The following CDC42BPB variants were observed in gnomAD, a reference collection of about 807,000 sequenced individuals.
CDC42BPB encodes CDC42 binding protein kinase beta, also known as serine/threonine-protein kinase MRCK beta.
Under a neutral mutation model 214.9 loss-of-function variants are expected in CDC42BPB, and 37 were observed. The ratio of observed to expected loss-of-function variants is 0.17; its 90% CI spans 0.13 to 0.23. The LOEUF (loss-of-function observed/expected upper bound fraction) is 0.23, where lower values mean the gene tolerates loss of function less well. CDC42BPB is among the 10% of genes least tolerant of loss of function. The pLI, the probability that CDC42BPB is intolerant of heterozygous loss-of-function variation, is 1.00. For synonymous variants in CDC42BPB, 931 were observed against 884.0 expected (o/e 1.05, Z -0.94); for missense variants, 1,694 against 2,227.0 (o/e 0.76, Z 4.82).
At chr14:103,055,401 C>T (rs576988079) in intron 1 of CDC42BPB, among the ~76,000 whole-genome samples, 52 of 152,292 alleles carry the variant, frequency 3.4e-4, no homozygotes, top group African/African-American at 1.2e-3. Flanking sequence ...CCAGCCTAGG[C>T]AACACAGTGA....
chr14:102,987,514 G>C (rs970065875), intron 5 of CDC42BPB, among the ~76,000 whole-genome samples: 1 of 152,164 alleles, frequency 6.6e-6, no homozygotes, highest in Admixed American at 6.5e-5. Context: ...CCAAGAGAAT[G>C]GGTGAGTAAG....
At chr14:103,014,060 C>T (rs748611688) in intron 1 of CDC42BPB, among the ~76,000 whole-genome samples, 1 of 151,298 alleles carries the variant, frequency 6.6e-6, no homozygotes, top group Non-Finnish European at 1.5e-5. Context: ...CAGTTACTCG[C>T]GAGGCTGAGG....
At chr14:102,946,813 C>G in intron 27 of CDC42BPB, 129 bp from the exon 28 acceptor site, 2 of 1,459,384 alleles carry the variant, frequency 1.4e-6, no homozygotes, top group Non-Finnish European at 1.8e-6. Context: ...AGGCAGGGAC[C>G]CCTGACTCCA....
At position 102,961,530 on chromosome 14, in the gene CDC42BPB, AC is replaced by A. The variant is rs150777406; in HGVS notation, c.2821+1530del. Among the ~76,000 whole-genome samples, 44 of 123,706 alleles carry A rather than the reference AC, an allele frequency of 3.6e-4. 1 individual carries two copies. The highest frequency in any genetic ancestry group is 1.9e-3 in the South Asian group (7 of 3,742). 81.2% of individuals were successfully genotyped at this position (123,706 alleles called of 152,430 possible). ...TTGTATTTTTAGTAGAGATGGCAAA[AC>A]CCCCCCCACTTTTTTTTAAGACAGC... On this transcript the variant is annotated intron_variant, in intron 20 of 36. Coordinates refer to ENST00000361246, the MANE Select transcript of CDC42BPB (RefSeq NM_006035.4).
chr14:103,044,167 A>G (rs552426141), intron 1 of CDC42BPB, among the ~76,000 whole-genome samples: 10 of 152,202 alleles, frequency 6.6e-5, no homozygotes, highest in Admixed American at 2.0e-4. Context: ...CTTTTCAACA[A>G]TTTGGTTTCA....
At chr14:103,012,068 CA>C (rs1230234868) in intron 2 of CDC42BPB, 28 bp downstream of exon 2, 1 of 1,504,332 alleles carries the variant, frequency 6.6e-7, no homozygotes. Context: ...GCAATTTAGG[CA>C]AAGTTAACAA....
Position 102,966,182 on chromosome 14 carries a change from T to A in CDC42BPB, c.2577+100A>T, listed in dbSNP as rs1214132579. On this transcript the variant is annotated intron_variant, in intron 18 of 36. Transcript: ENST00000361246. ...ACTGGTTACACAGAAGTCTCTTGCA[T>A]CACTGTAATTCCCTAAATAGTACTT... 4 of 846,970 alleles carry A rather than the reference T, an allele frequency of 4.7e-6. No individual in the cohort carries two copies. In the African/African-American group the frequency reaches 5.1e-5, roughly 11 times the overall value. 52.5% of individuals were successfully genotyped at this position (846,970 alleles called of 1,614,324 possible).
chr14:103,038,026 C>T (rs758159223), intron 1 of CDC42BPB, among the ~76,000 whole-genome samples: 6 of 133,952 alleles, frequency 4.5e-5, no homozygotes, highest in Non-Finnish European at 9.3e-5. Flanking sequence ...AAGACTCCGT[C>T]TCAAAAAAAA....
At chr14:102,954,573 G>A (rs1444946906) in intron 22 of CDC42BPB, 29 bp downstream of exon 22, 13 of 1,580,198 alleles carry the variant, frequency 8.2e-6, no homozygotes, top group African/African-American at 1.3e-5. Context: ...ACCCCAGGTG[G>A]GAGCATCACC....
chr14:102,951,295 T>G (rs191184534), intron 24 of CDC42BPB, among the ~76,000 whole-genome samples: 203 of 152,304 alleles, frequency 1.3e-3, no homozygotes, highest in African/African-American at 4.6e-3. Context: ...TGCTATAATG[T>G]AGAATGAAGG....
At chr14:102,960,569 C>A (rs1033010712) in intron 20 of CDC42BPB, among the ~76,000 whole-genome samples, 28 of 152,096 alleles carry the variant, frequency 1.8e-4, no homozygotes, top group African/African-American at 6.3e-4. Context: ...CTGCACGTGC[C>A]ACTGCATTCC....
intron 33 of CDC42BPB, 50 bp downstream of exon 33, chr14:102,939,780 C>A: frequency 1.9e-6 from 3 of 1,613,996 alleles, no homozygotes; most frequent in Non-Finnish European, 2.5e-6. Flanking sequence ...ATCCTCTTGG[C>A]CCCCTCCCTA....
Position 102,946,570 on chromosome 14 carries a change from G to A in CDC42BPB, c.3646C>T (p.Leu1216Phe), listed in dbSNP as rs771803261. ...VGILEGLQSI[L>F]HKNRLRNQVV... The stretch of plus-strand genomic sequence containing the variant: ...TGATTCCTCAGCCGGTTTTTATGAA[G>A]GATGGACTGGAGTCCTTCTAGAATC... Residue 1216 changes from leucine (L) to phenylalanine (F), a missense_variant, in exon 28 of 37, where the codon CTT becomes TTT. This residue lies in a region of CDC42BPB where 567 missense variants were observed against 790.3 expected (regional missense o/e 0.72). Transcript: ENST00000361246. The A allele has an allele frequency of 2.5e-6, 4 of 1,612,776 alleles. No homozygotes were observed. The highest frequency in any genetic ancestry group is 4.5e-5 in the East Asian group (2 of 44,882).
At position 102,994,657 on chromosome 14, in the gene CDC42BPB, C is replaced by T. The variant is rs1171046231; in HGVS notation, c.596+4908G>A. Among the ~76,000 whole-genome samples, 2 of 152,224 alleles carry T rather than the reference C, an allele frequency of 1.3e-5. 1 individual carries two copies. The highest frequency in any genetic ancestry group is 3.8e-4 in the East Asian group (2 of 5,198). The stretch of plus-strand genomic sequence containing the variant: ...CTAGGCTCCCCCAAGTGCATTTTCT[C>T]CCAGCTGCTGAGATTCTGGCTAAAA... On this transcript the variant is annotated intron_variant, in intron 5 of 36. Transcript: ENST00000361246.
In CDC42BPB at chr14:102,999,621, G is replaced by A. The variant is rs936910474; in HGVS notation, c.540C>T (p.Tyr180=). ...DKLPEDMARF[Y]IGEMVLAIDS... Reference sequence around the variant, plus strand: ...CAATGGCCAGCACCATTTCACCAATGTAGAACCTCGCCATATCTTCCGGAA... The same window carrying A: ...CAATGGCCAGCACCATTTCACCAATATAGAACCTCGCCATATCTTCCGGAA... Residue 180 remains tyrosine, a synonymous_variant, in exon 5 of 37, where the codon TAC becomes TAT. Transcript: ENST00000361246. 2.0e-5 allele frequency: 32 copies of A among 1,614,146 alleles called. No homozygotes were observed. Among genetic ancestry groups the A allele is most frequent in the Non-Finnish European group, 2.7e-5 (32 of 1,180,008 alleles).
In CDC42BPB at chr14:102,954,284, C is replaced by T. The variant is rs913627712; in HGVS notation, c.2989-9G>A. 1.8e-5 allele frequency: 28 copies of T among 1,519,280 alleles called. No homozygotes were observed. Among genetic ancestry groups the T allele is most frequent in the Middle Eastern group, 1.7e-4 (1 of 5,788 alleles). The allele number at this position is 1,519,280 out of a possible 1,614,324, so 94.1% of individuals were successfully genotyped here. On this transcript the variant is annotated splice_polypyrimidine_tract_variant and intron_variant, in intron 22 of 36. Transcript: ENST00000361246. Reference sequence around the variant, plus strand: ...GGGGGCCGAGCCATGTCCTGGGAGACAAGCAGGACAGGTGAGTGTCGGCCC... The same window carrying T: ...GGGGGCCGAGCCATGTCCTGGGAGATAAGCAGGACAGGTGAGTGTCGGCCC...
chr14:103,041,471 G>T lies in CDC42BPB; in HGVS notation c.175+15528C>A, dbSNP rs954891408. On this transcript the variant is annotated intron_variant, in intron 1 of 36. Transcript: ENST00000361246. ...CACAGAAGGGGCTCTAGGCAGCCAT[G>T]GCGCCCAGCCAGAATGGCATGGAAG... 35 of 1,251,894 alleles carry T rather than the reference G, an allele frequency of 2.8e-5. No homozygotes were observed. The Admixed American group carries it at 6.4e-4, about 23-fold the overall frequency. 77.5% of individuals were successfully genotyped at this position (1,251,894 alleles called of 1,614,324 possible).
In CDC42BPB at chr14:102,949,833, G is replaced by A. The variant is rs750262659; in HGVS notation, c.3381C>T (p.Phe1127=). 4.3e-6 allele frequency: 7 copies of A among 1,613,650 alleles called. No individual in the cohort carries two copies. The highest frequency in any genetic ancestry group is 1.1e-5 in the South Asian group (1 of 91,078). The part of the protein sequence containing the change: ...AYAVVCDCKL[F]LYDLPEGKST... ...ATTTTCCTTCAGGCAGATCATACAG[G>A]AAGAGCTTGCAGTCACAGACGACTG... Residue 1127 remains phenylalanine, a synonymous_variant, in exon 26 of 37, where the codon TTC becomes TTT. Transcript: ENST00000361246.
intron 4 of CDC42BPB, among the ~76,000 whole-genome samples, chr14:103,003,249 T>C (rs796738020): frequency 3.3e-5 from 5 of 152,086 alleles, no homozygotes; most frequent in Non-Finnish European, 7.4e-5. Flanking sequence ...CTAGAGTCAC[T>C]CTAGGAATAA....
Sources: gnomAD v4.1 joint callset for allele counts (sites outside exome capture counted in the v4.1 genomes callset) on GRCh38, gnomAD v4.1.1 for gene constraint, gnomAD v4.1.1 regional missense constraint, MANE v1.5 for transcripts, NCBI Gene and HGNC (gene_info 2026-07-23, HGNC 2026-07-21) for gene names.